NLK: variants seen among roughly 807,000 people sequenced by gnomAD.
The protein encoded by NLK is serine/threonine-protein kinase NLK.
In NLK, 11 loss-of-function variants were observed where a neutral mutation model predicts 59.0. The ratio of observed to expected loss-of-function variants is 0.19; its 90% CI spans 0.12 to 0.31. The LOEUF (loss-of-function observed/expected upper bound fraction) is 0.31, where lower values mean the gene tolerates loss of function less well. Ranked by LOEUF, NLK falls within the 10% of genes least tolerant of loss-of-function variation. NLK has a pLI of 1.00. For synonymous variants in NLK, 235 were observed against 235.9 expected (o/e 1.00, Z 0.03); for missense variants, 410 against 661.1 (o/e 0.62, Z 4.16).
downstream of NLK, among the ~76,000 whole-genome samples, chr17:28,198,253 C>G (rs35221017): frequency 2.0e-5 from 3 of 152,202 alleles, no homozygotes; most frequent in Non-Finnish European, 4.4e-5. Flanking sequence ...CCTCCCACCT[C>G]AGCCTCCCAA....
At chr17:28,050,487 GA>G (rs559611147) in intron 1 of NLK, among the ~76,000 whole-genome samples, 54 of 152,322 alleles carry the variant, frequency 3.5e-4, no homozygotes, top group African/African-American at 1.3e-3. Context: ...AAGATTTTAC[GA>G]GGGGATGATT....
chr17:28,084,730 A>G (rs925801756), intron 1 of NLK, among the ~76,000 whole-genome samples: 1 of 152,012 alleles, frequency 6.6e-6, no homozygotes, highest in African/African-American at 2.4e-5. Context: ...TGCCCGGCTA[A>G]TTTTTGTATT....
chr17:28,190,243 C>T (rs1279276610), intron 8 of NLK, among the ~76,000 whole-genome samples: 2 of 152,130 alleles, frequency 1.3e-5, no homozygotes, highest in Non-Finnish European at 2.9e-5. Flanking sequence ...GGGACAATTT[C>T]TTTAATTTTT....
intron 1 of NLK, among the ~76,000 whole-genome samples, chr17:28,091,395 G>A (rs1023089030): frequency 1.3e-5 from 2 of 151,828 alleles, no homozygotes; most frequent in African/African-American, 2.4e-5. Context: ...AGCAGATGTG[G>A]TAAACACTTT....
intron 3 of NLK, among the ~76,000 whole-genome samples, chr17:28,133,281 G>A (rs1906596881): frequency 6.6e-6 from 1 of 152,112 alleles, no homozygotes; most frequent in South Asian, 2.1e-4. Context: ...TACAGAAGAG[G>A]AAATTGAGGC....
chr17:28,103,600 A>G (rs1479339940), intron 1 of NLK, among the ~76,000 whole-genome samples: 1 of 152,230 alleles, frequency 6.6e-6, no homozygotes, highest in African/African-American at 2.4e-5. Context: ...TTTTGTAGTT[A>G]TCACAGTGGT....
At position 28,113,816 on chromosome 17, in the gene NLK, C is replaced by T. The variant is rs114397764; in HGVS notation, c.459-8787C>T. On this transcript the variant is annotated intron_variant, in intron 1 of 10. Coordinates refer to ENST00000407008, the MANE Select transcript of NLK (RefSeq NM_016231.5). ...CAAGATGGAGTTGCTCTAATTCAAA[C>T]GCCTCTGACACTCTACCACCATTGT... Among the ~76,000 whole-genome samples, 896 of 152,268 alleles carry T rather than the reference C, an allele frequency of 5.9e-3. 10 individuals are homozygous for T. Among genetic ancestry groups the T allele is most frequent in the African/African-American group, 0.021 (855 of 41,552 alleles).
At chr17:28,080,926 G>C (rs1910322414) in intron 1 of NLK, among the ~76,000 whole-genome samples, 1 of 152,028 alleles carries the variant, frequency 6.6e-6, no homozygotes, top group Non-Finnish European at 1.5e-5. Flanking sequence ...GTGTTGCTCT[G>C]TCACCCAGGC....
chr17:28,070,405 A>G (rs1295368091), intron 1 of NLK, among the ~76,000 whole-genome samples: 2 of 132,854 alleles, frequency 1.5e-5, no homozygotes, highest in Non-Finnish European at 3.1e-5. Context: ...GCCAGGCTGG[A>G]GTGCAGTGGT....
chr17:28,042,851 C>T lies in NLK; in HGVS notation c.-23C>T, dbSNP rs975148385. On this transcript the variant is annotated 5_prime_UTR_variant, in exon 1 of 11. Transcript: ENST00000407008. ...TGACAGCTTGACCCAGTTTGCTTTC[C>T]AATCAAAGGGCATTTATTTTGAATG... 21 of 1,469,980 alleles carry T rather than the reference C, an allele frequency of 1.4e-5. No homozygotes were observed. In the Admixed American group the frequency reaches 4.4e-4, roughly 31 times the overall value. The allele number at this position is 1,469,980 out of a possible 1,614,324, so 91.1% of individuals were successfully genotyped here.
At position 28,156,151 on chromosome 17, in the gene NLK, A is replaced by T. The variant is rs115962009; in HGVS notation, c.645-5009A>T. ...ATATATACAAAATATGCAAAAATAT[A>T]TACAAAAATATAAGAGCCAGTAGTA... On this transcript the variant is annotated intron_variant, in intron 3 of 10. Transcript: ENST00000407008. Among the ~76,000 whole-genome samples the T allele has an allele frequency of 6.6e-3, 1,000 of 152,284 alleles. 17 individuals carry two copies. Among genetic ancestry groups the T allele is most frequent in the African/African-American group, 0.022 (932 of 41,550 alleles).
At chr17:28,178,529 AG>A (rs1204417634) in intron 7 of NLK, among the ~76,000 whole-genome samples, 1 of 152,220 alleles carries the variant, frequency 6.6e-6, no homozygotes, top group East Asian at 1.9e-4. Flanking sequence ...ACCTGTTGAT[AG>A]GATTGAAAAG....
At position 28,188,980 on chromosome 17, in the gene NLK, G is replaced by GACAC. The variant is rs57423093; in HGVS notation, c.1237-2012_1237-2009dup. ...AGATACACATACACAGACAAACACA[G>GACAC]ACACACACACACACACACACACACA... On this transcript the variant is annotated intron_variant, in intron 8 of 10. Coordinates refer to ENST00000407008, the MANE Select transcript of NLK (RefSeq NM_016231.5). 6.6e-3 allele frequency among the ~76,000 whole-genome samples: 935 copies of GACAC among 142,618 alleles called. 7 individuals carry two copies. The highest frequency in any genetic ancestry group is 0.015 in the African/African-American group (604 of 39,184). 93.6% of individuals were successfully genotyped at this position (142,618 alleles called of 152,430 possible). A position where few individuals can be genotyped will look rare whatever the true frequency, so the allele number is the denominator to read the frequency against.
At chr17:28,201,137 T>A (rs1023600243), downstream of NLK, among the ~76,000 whole-genome samples, 2 of 152,192 alleles carry the variant, frequency 1.3e-5, no homozygotes, top group African/African-American at 4.8e-5. Flanking sequence ...TGGCATGCAG[T>A]GGGTGTGATC....
intron 1 of NLK, among the ~76,000 whole-genome samples, chr17:28,044,468 A>G (rs1167955518): frequency 1.3e-5 from 2 of 152,228 alleles, no homozygotes; most frequent in African/African-American, 4.8e-5. Flanking sequence ...TTGATAATCT[A>G]GGCTGCTAAG....
chr17:28,158,585 T>G (rs1297766654), intron 3 of NLK, among the ~76,000 whole-genome samples: 2 of 152,216 alleles, frequency 1.3e-5, no homozygotes, highest in Middle Eastern at 3.2e-3. Context: ...TCTTTTGTAA[T>G]AACACTTAGC....
At chr17:28,092,798 TTTTATTTTA>T (rs1227671298) in intron 1 of NLK, among the ~76,000 whole-genome samples, 19 of 145,694 alleles carry the variant, frequency 1.3e-4, no homozygotes, top group African/African-American at 4.9e-4. Context: ...TTTTATTTTA[TTTTATTTTA>T]TTTATTTATT....
the NLK span, among the ~76,000 whole-genome samples, chr17:28,203,707 T>C: frequency 6.6e-6 from 1 of 152,110 alleles, no homozygotes; most frequent in Non-Finnish European, 1.5e-5. Flanking sequence ...TGGCTAATTT[T>C]TGTATTTTTA....
chr17:28,152,834 G>C (rs1907538026), intron 3 of NLK, among the ~76,000 whole-genome samples: 1 of 152,050 alleles, frequency 6.6e-6, no homozygotes, highest in African/African-American at 2.4e-5. Context: ...AAGATGCCCA[G>C]GCAGGTCTTG....
Sources: allele counts gnomAD v4.1 joint callset (sites outside exome capture counted in the v4.1 genomes callset), GRCh38; gene constraint gnomAD v4.1.1; transcripts MANE v1.5; gene names NCBI Gene and HGNC (gene_info 2026-07-23, HGNC 2026-07-21).